Variants in TMOD2 observed in about 807,000 individuals in gnomAD.
The protein encoded by TMOD2 is tropomodulin-2.
TMOD2 carries 22 observed loss-of-function variants against 39.9 expected under a neutral mutation model. That is an observed-to-expected ratio of 0.55 (90% CI 0.39 to 0.79). The LOEUF is 0.79. TMOD2 is among the 30% of genes least tolerant of loss of function. The pLI is 0.00. For synonymous variants in TMOD2, 123 were observed against 146.1 expected (o/e 0.84, Z 1.14); for missense variants, 386 against 413.3 (o/e 0.93, Z 0.57).
At chr15:51,792,072 G>A (rs1401525481) in intron 7 of TMOD2, among the ~76,000 whole-genome samples, 1 of 152,118 alleles carries the variant, frequency 6.6e-6, no homozygotes, top group Non-Finnish European at 1.5e-5. Flanking sequence ...GAGTGAACAG[G>A]CAACCTACAG....
At chr15:51,769,624 A>C (rs1453193941) in intron 3 of TMOD2, among the ~76,000 whole-genome samples, 1 of 152,218 alleles carries the variant, frequency 6.6e-6, no homozygotes, top group African/African-American at 2.4e-5. Flanking sequence ...CTTGGGAGGA[A>C]GAGTGACTAT....
intron 9 of TMOD2, 126 bp downstream of exon 9, chr15:51,806,647 A>C (rs963615242): frequency 4.7e-6 from 5 of 1,055,898 alleles, no homozygotes; most frequent in Admixed American, 2.3e-5. Flanking sequence ...TCTTCATATA[A>C]GACGCATTAT....
chr15:51,763,538 A>G (rs1040515624), intron 1 of TMOD2, among the ~76,000 whole-genome samples: 1 of 152,208 alleles, frequency 6.6e-6, no homozygotes, highest in African/African-American at 2.4e-5. Context: ...AAACAAAACT[A>G]AAACTAAAAG....
intron 1 of TMOD2, among the ~76,000 whole-genome samples, chr15:51,753,060 C>G (rs770000686): frequency 2.6e-5 from 4 of 151,918 alleles, no homozygotes; most frequent in African/African-American, 4.8e-5. Flanking sequence ...GGAGGAAGCC[C>G]CAGCAAGAAG....
Position 51,814,396 on chromosome 15 carries a change from A to T in TMOD2, c.*5942A>T, listed in dbSNP as rs924787315. On this transcript the variant is annotated 3_prime_UTR_variant, in exon 10 of 10. Coordinates refer to ENST00000249700, the MANE Select transcript of TMOD2 (RefSeq NM_014548.4). ...AGCAGCTGCCTTGTTATCACCAGCA[A>T]CCTTAGCCCTGGTCAGTAATATTTC... The T allele has an allele frequency of 1.2e-4, 18 of 152,236 alleles. No homozygotes were observed. Among genetic ancestry groups the T allele is most frequent in the African/African-American group, 3.6e-4 (15 of 41,454 alleles). 9.4% of individuals were successfully genotyped at this position (152,236 alleles called of 1,614,324 possible).
intron 7 of TMOD2, among the ~76,000 whole-genome samples, chr15:51,790,072 C>T (rs1304023852): frequency 1.3e-5 from 2 of 152,080 alleles, no homozygotes; most frequent in African/African-American, 2.4e-5. Flanking sequence ...AATCCAGGAG[C>T]TGGTTTTTTG....
At chr15:51,754,634 A>G (rs1039741798) in intron 1 of TMOD2, among the ~76,000 whole-genome samples, 2 of 152,234 alleles carry the variant, frequency 1.3e-5, no homozygotes, top group African/African-American at 2.4e-5. Flanking sequence ...GTACTTGTGA[A>G]TCTCTCAGTC....
At chr15:51,754,052 G>A (rs76812376) in intron 1 of TMOD2, among the ~76,000 whole-genome samples, 1 of 151,822 alleles carries the variant, frequency 6.6e-6, no homozygotes, top group Non-Finnish European at 1.5e-5. Context: ...AGGTGTGAGT[G>A]GGGGGGACGG....
In TMOD2 at chr15:51,808,910, A is replaced by G. The variant is rs2056138348; in HGVS notation, c.*456A>G. On this transcript the variant is annotated 3_prime_UTR_variant, in exon 10 of 10. Coordinates refer to ENST00000249700, the MANE Select transcript of TMOD2 (RefSeq NM_014548.4). ...TGTTCTACTGACCACATAAGAAGTT[A>G]GTATTGCCAATCTTTCACTGCATGT... 1 of 153,174 alleles carries G rather than the reference A, an allele frequency of 6.5e-6. No individual in the cohort carries two copies. Among genetic ancestry groups the G allele is most frequent in the African/African-American group, 2.4e-5 (1 of 41,484 alleles). The allele number at this position is 153,174 out of a possible 1,614,324, so 9.5% of individuals were successfully genotyped here.
At chr15:51,800,170 A>G (rs1244852651) in intron 8 of TMOD2, among the ~76,000 whole-genome samples, 3 of 152,258 alleles carry the variant, frequency 2.0e-5, no homozygotes, top group Non-Finnish European at 2.9e-5. Context: ...TGGCAACTCT[A>G]TGCCTAGTAT....
At chr15:51,798,753 C>T (rs931669547) in intron 8 of TMOD2, among the ~76,000 whole-genome samples, 3 of 152,200 alleles carry the variant, frequency 2.0e-5, no homozygotes, top group Non-Finnish European at 4.4e-5. Flanking sequence ...GCAGGGTAGC[C>T]GTGTCCAAAG....
chr15:51,774,653 A>T (rs1307367051), intron 4 of TMOD2, among the ~76,000 whole-genome samples: 1 of 152,158 alleles, frequency 6.6e-6, no homozygotes, highest in African/African-American at 2.4e-5. Context: ...GGAAGTTCCC[A>T]TGTTTGTGAA....
intron 8 of TMOD2, 34 bp from the exon 9 acceptor site, chr15:51,806,343 G>C: frequency 6.2e-7 from 1 of 1,608,614 alleles, no homozygotes; most frequent in South Asian, 1.1e-5. Context: ...TTCCTTCTTG[G>C]TCATCCTGTG....
At chr15:51,779,024 A>G (rs2055910795) in intron 5 of TMOD2, among the ~76,000 whole-genome samples, 1 of 149,266 alleles carries the variant, frequency 6.7e-6, no homozygotes, top group Non-Finnish European at 1.5e-5. Context: ...TGGTGCAATC[A>G]TAACTTATTG....
chr15:51,756,582 G>A (rs898062673), intron 1 of TMOD2: 2 of 152,230 alleles, frequency 1.3e-5, no homozygotes, highest in African/African-American at 2.4e-5. Context: ...TCCAAGGCCC[G>A]TGCTTTTAGT....
chr15:51,797,892 A>C (rs959800147), intron 7 of TMOD2, among the ~76,000 whole-genome samples: 3 of 151,518 alleles, frequency 2.0e-5, no homozygotes, highest in African/African-American at 4.8e-5. Flanking sequence ...AAAAAAAAAA[A>C]AACAGTAGTG....
chr15:51,799,227 T>A (rs2056072632), intron 8 of TMOD2, among the ~76,000 whole-genome samples: 1 of 152,172 alleles, frequency 6.6e-6, no homozygotes, highest in Non-Finnish European at 1.5e-5. Context: ...CCAAGGAGAC[T>A]TGTGGTATGA....
chr15:51,765,773 TAGAG>T (rs1022527140), intron 1 of TMOD2, among the ~76,000 whole-genome samples: 9 of 152,036 alleles, frequency 5.9e-5, no homozygotes, highest in South Asian at 4.2e-4. Flanking sequence ...AGGAGAAAAA[TAGAG>T]AGAGTGATCA....
chr15:51,763,780 C>G (rs1300088868), intron 1 of TMOD2, among the ~76,000 whole-genome samples: 1 of 152,182 alleles, frequency 6.6e-6, no homozygotes, highest in Non-Finnish European at 1.5e-5. Context: ...TATATACAAG[C>G]AATGACAAGT....
Sources: allele counts gnomAD v4.1 joint callset (sites outside exome capture counted in the v4.1 genomes callset), GRCh38; gene constraint gnomAD v4.1.1; transcripts MANE v1.5; gene names NCBI Gene and HGNC (gene_info 2026-07-23, HGNC 2026-07-21).